PTPRD: variants seen among roughly 807,000 people sequenced by gnomAD.
The protein encoded by PTPRD is protein tyrosine phosphatase receptor type D.
A neutral mutation model predicts 214.5 loss-of-function variants in PTPRD; 34 were observed. The observed-to-expected ratio is 0.16, with a 90% CI of 0.12 to 0.21. The LOEUF is 0.21. PTPRD is among the 10% of genes least tolerant of loss of function. The pLI is 1.00. For missense variants in PTPRD, 2,545 were observed against 2,398.7 expected (o/e 1.06, Z -1.27); for synonymous variants, 1,128 against 845.7 (o/e 1.33, Z -5.79).
chr9:9,080,073 T>G (rs890069985), intron 10 of PTPRD, among the ~76,000 whole-genome samples: 1 of 152,054 alleles, frequency 6.6e-6, no homozygotes, highest in Non-Finnish European at 1.5e-5. Flanking sequence ...TCTAATTTAG[T>G]CAAATCATAA....
intron 14 of PTPRD, among the ~76,000 whole-genome samples, chr9:8,576,809 C>G (rs960584617): frequency 3.9e-5 from 6 of 152,188 alleles, no homozygotes; most frequent in African/African-American, 1.4e-4. Flanking sequence ...CCACCTATAC[C>G]AAACCAATGC....
At chr9:9,049,093 T>C (rs1178736517) in intron 10 of PTPRD, among the ~76,000 whole-genome samples, 2 of 152,210 alleles carry the variant, frequency 1.3e-5, no homozygotes, top group African/African-American at 2.4e-5. Context: ...AAAGCAACAC[T>C]AGTCATTATC....
chr9:9,753,551 T>A (rs1280674216), intron 6 of PTPRD, among the ~76,000 whole-genome samples: 1 of 152,032 alleles, frequency 6.6e-6, no homozygotes, highest in East Asian at 1.9e-4. Flanking sequence ...TTGTTATACA[T>A]TTTAAAATAA....
At chr9:8,893,220 A>G (rs1168787233) in intron 11 of PTPRD, among the ~76,000 whole-genome samples, 1 of 152,210 alleles carries the variant, frequency 6.6e-6, no homozygotes, top group African/African-American at 2.4e-5. Flanking sequence ...TTAAAACAGA[A>G]GCATGTTCCT....
chr9:9,434,484 T>C (rs74975183), intron 8 of PTPRD, among the ~76,000 whole-genome samples: 1,981 of 152,308 alleles, frequency 0.013, 21 homozygotes, highest in Non-Finnish European at 0.019. Flanking sequence ...AATATGCCAA[T>C]GACAATACCA....
intron 8 of PTPRD, among the ~76,000 whole-genome samples, chr9:9,412,596 C>A (rs1226288379): frequency 7.2e-5 from 11 of 152,124 alleles, no homozygotes; most frequent in African/African-American, 2.7e-4. Flanking sequence ...AGTCACTACG[C>A]GAAGGGGTTT....
intron 14 of PTPRD, among the ~76,000 whole-genome samples, chr9:8,605,298 A>G (rs1482150193): frequency 6.6e-6 from 1 of 152,218 alleles, no homozygotes; most frequent in East Asian, 1.9e-4. Flanking sequence ...AATTGGACTT[A>G]ACTATTGGCT....
At chr9:9,640,828 C>G (rs549125523) in intron 7 of PTPRD, among the ~76,000 whole-genome samples, 68 of 152,312 alleles carry the variant, frequency 4.5e-4, no homozygotes, top group African/African-American at 1.5e-3. Flanking sequence ...CTATCCAATC[C>G]TGTTATTGCT....
intron 14 of PTPRD, among the ~76,000 whole-genome samples, chr9:8,628,284 A>G (rs1165041900): frequency 6.6e-6 from 1 of 151,904 alleles, no homozygotes; most frequent in Non-Finnish European, 1.5e-5. Context: ...GTACTGCACA[A>G]TGGCAGAGAT....
In PTPRD at chr9:9,555,860, G is replaced by A. The variant is rs148268394; in HGVS notation, c.-237+18872C>T. Reference sequence around the variant, plus strand: ...AACATTTAATAAATGCAAAACTAACGAATACACCTGAAAGTTCAAAAGATT... The same window carrying A: ...AACATTTAATAAATGCAAAACTAACAAATACACCTGAAAGTTCAAAAGATT... On this transcript the variant is annotated intron_variant, in intron 8 of 45. Transcript: ENST00000381196. 3.3e-5 allele frequency among the ~76,000 whole-genome samples: 5 copies of A among 152,054 alleles called. No individual in the cohort carries two copies. The South Asian group carries it at 6.2e-4, about 19-fold the overall frequency.
intron 3 of PTPRD, among the ~76,000 whole-genome samples, chr9:10,073,648 G>T (rs955943652): frequency 6.6e-6 from 1 of 152,062 alleles, no homozygotes; most frequent in Admixed American, 6.6e-5. Flanking sequence ...TTGCCTTTGA[G>T]TCCAGTGGTC....
chr9:9,129,861 G>C (rs1416811550), intron 10 of PTPRD, among the ~76,000 whole-genome samples: 3 of 152,264 alleles, frequency 2.0e-5, no homozygotes, highest in South Asian at 2.1e-4. Flanking sequence ...GAGGAGTACA[G>C]ACTCCCCAGA....
intron 2 of PTPRD, among the ~76,000 whole-genome samples, chr9:10,393,834 G>C (rs891838371): frequency 6.8e-6 from 1 of 147,854 alleles, no homozygotes; most frequent in South Asian, 2.1e-4. Flanking sequence ...TATATGATTC[G>C]AAGTAATGCC....
At chr9:10,465,266 T>C (rs763935067) in intron 2 of PTPRD, among the ~76,000 whole-genome samples, 133 of 152,194 alleles carry the variant, frequency 8.7e-4, no homozygotes, top group Non-Finnish European at 1.6e-3. Context: ...GTACATGACA[T>C]GTAAAACCTT....
chr9:9,206,984 G>A (rs544479084), intron 9 of PTPRD, among the ~76,000 whole-genome samples: 5 of 152,244 alleles, frequency 3.3e-5, no homozygotes, highest in Non-Finnish European at 7.4e-5. Context: ...CAAAGCTATT[G>A]TAATAAACCA....
intron 3 of PTPRD, among the ~76,000 whole-genome samples, chr9:10,156,729 G>A (rs1490466419): frequency 1.3e-5 from 2 of 152,108 alleles, no homozygotes; most frequent in African/African-American, 2.4e-5. Context: ...TACTGTCAGT[G>A]GTGTTGTGAA....
chr9:8,672,742 T>G (rs2097310923), intron 12 of PTPRD, among the ~76,000 whole-genome samples: 1 of 151,624 alleles, frequency 6.6e-6, no homozygotes, highest in African/African-American at 2.4e-5. Flanking sequence ...AAATGGCAAC[T>G]GATTATGAAA....
chr9:8,418,974 C>A (rs1041169000), intron 35 of PTPRD, among the ~76,000 whole-genome samples: 4 of 151,888 alleles, frequency 2.6e-5, no homozygotes, highest in African/African-American at 9.7e-5. Flanking sequence ...AAAATGGCTC[C>A]TTCATTCAAA....
intron 3 of PTPRD, among the ~76,000 whole-genome samples, chr9:10,281,827 A>T (rs2095129839): frequency 2.0e-5 from 3 of 152,200 alleles, no homozygotes; most frequent in Admixed American, 2.0e-4. Context: ...AAGGTTTTTT[A>T]AGTGAACATC....
Sources: allele counts gnomAD v4.1 joint callset (sites outside exome capture counted in the v4.1 genomes callset), GRCh38; gene constraint gnomAD v4.1.1; transcripts MANE v1.5; gene names NCBI Gene and HGNC (gene_info 2026-07-23, HGNC 2026-07-21).